USP35: variants seen among roughly 807,000 people sequenced by gnomAD.
USP35 encodes ubiquitin carboxyl-terminal hydrolase 35.
A neutral mutation model predicts 83.8 loss-of-function variants in USP35; 69 were observed. The ratio of observed to expected loss-of-function variants is 0.82; its 90% CI spans 0.68 to 1.01. USP35 has a LOEUF of 1.01. Among genes scored for constraint, USP35 ranks in the 50% least tolerant of loss-of-function variants. USP35 has a pLI of 0.00. For synonymous variants in USP35, 714 were observed against 589.5 expected (o/e 1.21, Z -3.06); for missense variants, 1,503 against 1,362.5 (o/e 1.10, Z -1.62).
chr11:78,195,164 C>A (rs967054019), intron 1 of USP35, among the ~76,000 whole-genome samples: 1 of 152,130 alleles, frequency 6.6e-6, no homozygotes, highest in Non-Finnish European at 1.5e-5. Flanking sequence ...GGGACCCATA[C>A]CCCACCAGCA....
the USP35 span, chr11:78,220,464 A>C: frequency 6.5e-7 from 1 of 1,545,796 alleles, no homozygotes; most frequent in South Asian, 1.2e-5. Flanking sequence ...GGAGGAAAAA[A>C]CTGTGAGTGA....
At position 78,213,779 on chromosome 11, in the gene USP35, G is replaced by A; in HGVS notation, c.3023G>A (p.Gly1008Asp). 1.3e-6 allele frequency: 2 copies of A among 1,550,010 alleles called. No individual in the cohort carries two copies. Among genetic ancestry groups the A allele is most frequent in the East Asian group, 2.5e-5 (1 of 39,416 alleles). Residue 1008 changes from glycine to aspartate, a missense_variant, in exon 11 of 11, where the codon GGC becomes GAC. Transcript: ENST00000529308. ...GSPGGCNPAGGNGGDFHRLVF is the reference protein window; with the variant it reads ...GSPGGCNPAGDNGGDFHRLVF ...CCAGGGGGCTGCAATCCTGCAGGTG[G>A]CAATGGTGGTGACTTCCACAGACTG...
chr11:78,207,064 T>G (rs1302559867), intron 7 of USP35, among the ~76,000 whole-genome samples: 1 of 152,142 alleles, frequency 6.6e-6, no homozygotes, highest in Non-Finnish European at 1.5e-5. Context: ...TAGGAGTCGA[T>G]TGGAGGGCCC....
In USP35 at chr11:78,214,872, G is replaced by A. The variant is rs1864037120; in HGVS notation, c.*1059G>A. Among the ~76,000 whole-genome samples, 1 of 138,718 alleles carries A rather than the reference G, an allele frequency of 7.2e-6. No homozygotes were observed. The highest frequency in any genetic ancestry group is 1.5e-5 in the Non-Finnish European group (1 of 66,028). The allele number at this position is 138,718 out of a possible 152,430, so 91.0% of individuals were successfully genotyped here. ...ACTGAAGTGGGGTGTAAGTAAACGT[G>A]TGGACTGACTGACTTACTTACCTTA... On this transcript the variant is annotated 3_prime_UTR_variant, in exon 11 of 11. Transcript: ENST00000529308.
At position 78,214,683 on chromosome 11, in the gene USP35, TAAATAAA is replaced by T. The variant is rs1864022847; in HGVS notation, c.*871_*877del. The T allele has an allele frequency of 6.6e-6, 1 of 152,084 alleles. No homozygotes were observed. The highest frequency in any genetic ancestry group is 1.5e-5 in the Non-Finnish European group (1 of 68,024). 9.4% of individuals were successfully genotyped at this position (152,084 alleles called of 1,614,324 possible). ...AAGACAAGACAGACACCCATGTTCATAAATAAATAAAAGTAAGCCTAAGCAAGAGATT... is the reference window on the plus strand; with the variant it reads ...AAGACAAGACAGACACCCATGTTCATTAAAAGTAAGCCTAAGCAAGAGATT... On this transcript the variant is annotated 3_prime_UTR_variant, in exon 11 of 11. Coordinates refer to ENST00000529308, the MANE Select transcript of USP35 (RefSeq NM_020798.4).
chr11:78,210,384 G>A lies in USP35; in HGVS notation c.2529G>A (p.Gln843=). ...TGCCACTGGCTGGTGGCCGTGGCCA[G>A]GCCTATGACCTCTGCAGTGTGGTGG... is the stretch of plus-strand genomic sequence containing the variant. The part of the protein sequence containing the change: ...LRLPLAGGRG[Q]AYDLCSVVVH... Residue 843 remains glutamine (Q), a synonymous_variant, in exon 10 of 11, where the codon CAG becomes CAA. Transcript: ENST00000529308. 6.2e-7 allele frequency: 1 copy of A among 1,613,744 alleles called. No homozygotes were observed. Among genetic ancestry groups the A allele is most frequent in the Non-Finnish European group, 8.5e-7 (1 of 1,180,010 alleles).
At position 78,196,633 on chromosome 11, in the gene USP35, C is replaced by A; in HGVS notation, c.388C>A (p.Arg130Ser). The change falls in exon 2 of 11, where the codon CGC (arginine) becomes AGC (serine). Residue 130 changes from arginine to serine, a missense_variant. Arg to Ser is a moderately radical substitution (Grantham distance 110, BLOSUM62 -1). Transcript: ENST00000529308. This position sits in a 1 kb window ranked among gnomAD's most constrained non-coding sequence, Gnocchi z 4.8. ...VFALLRREVL[R>S]TVCERPGPAA... ...CGCGCTGCTGCGGCGCGAGGTGCTG[C>A]GCACCGTGTGCGAGCGCCCGGGCCC... The A allele has an allele frequency of 1.5e-6, 2 of 1,361,952 alleles. No individual in the cohort carries two copies. Among genetic ancestry groups the A allele is most frequent in the South Asian group, 1.6e-5 (1 of 60,936 alleles). 84.4% of individuals were successfully genotyped at this position (1,361,952 alleles called of 1,614,324 possible). A position where few individuals can be genotyped will look rare whatever the true frequency, so the allele number is the denominator to read the frequency against.
In USP35 at chr11:78,199,731, G is replaced by A. The variant is rs188431791; in HGVS notation, c.936+7G>A. The A allele has an allele frequency of 8.7e-6, 14 of 1,614,162 alleles. 1 individual carries two copies. The Admixed American group carries it at 2.3e-4, about 27-fold the overall frequency. On this transcript the variant is annotated splice_region_variant and intron_variant, in intron 4 of 10. Transcript: ENST00000529308. Reference sequence around the variant, plus strand: ...GCTCACCAAAATTGAGAAGGTTGGTGCCCCTGTCCTAGCCCAGAGTTACAG... The same window carrying A: ...GCTCACCAAAATTGAGAAGGTTGGTACCCCTGTCCTAGCCCAGAGTTACAG...
chr11:78,207,660 AGCTCTGGTCAGGCCCC>A, intron 8 of USP35, 37 bp downstream of exon 8: 5 of 1,596,620 alleles, frequency 3.1e-6, no homozygotes, highest in Non-Finnish European at 3.4e-6. Flanking sequence ...GTGGAGAGGC[AGCTCTGGTCAGGCCCC>A]GACATGGACA....
chr11:78,191,840 T>C (rs925005270), intron 1 of USP35, among the ~76,000 whole-genome samples: 6 of 148,368 alleles, frequency 4.0e-5, no homozygotes, highest in Non-Finnish European at 9.0e-5. Flanking sequence ...CCGGCCCTCA[T>C]CTTTTTTTTT....
chr11:78,200,551 C>T (rs543030785), intron 5 of USP35, 99 bp from the exon 6 acceptor site: 3 of 1,500,428 alleles, frequency 2.0e-6, no homozygotes, highest in South Asian at 2.7e-5. Context: ...GGCAAGCCTC[C>T]CTACCTCAGA....
At chr11:78,234,788 GTTGT>G in the USP35 span, among the ~76,000 whole-genome samples, 12 of 151,890 alleles carry the variant, frequency 7.9e-5, 1 homozygote, top group Middle Eastern at 3.2e-3. Context: ...TGACTTTATT[GTTGT>G]TCTTTTAAAA....
rs2450137 is a variant in USP35 at position 78,214,187 on chromosome 11, C to A, written c.*374C>A. 9 of 170,134 alleles carry A rather than the reference C, an allele frequency of 5.3e-5. No individual in the cohort carries two copies. Among genetic ancestry groups the A allele is most frequent in the Non-Finnish European group, 7.3e-5 (6 of 81,636 alleles). 10.5% of individuals were successfully genotyped at this position (170,134 alleles called of 1,614,324 possible). ...TTGACATCAAGTACTATTTTCCTTC[C>A]GACTGCTGTACGGTATAAAGCACAG... On this transcript the variant is annotated 3_prime_UTR_variant, in exon 11 of 11. Transcript: ENST00000529308.
In USP35 at chr11:78,214,125, A is replaced by G. The variant is rs1184135702; in HGVS notation, c.*312A>G. On this transcript the variant is annotated 3_prime_UTR_variant, in exon 11 of 11. Coordinates refer to ENST00000529308, the MANE Select transcript of USP35 (RefSeq NM_020798.4). ...GCTCCCCATGCGGGAAGATCTGATG[A>G]TGTTCAGGAAACAGGCTAGACCTCA... The G allele has an allele frequency of 3.5e-6, 1 of 285,148 alleles. No homozygotes were observed. The highest frequency in any genetic ancestry group is 2.2e-5 in the African/African-American group (1 of 44,756). 17.7% of individuals were successfully genotyped at this position (285,148 alleles called of 1,614,324 possible).
At chr11:78,219,691 T>TG (rs1864322773), downstream of USP35, among the ~76,000 whole-genome samples, 2 of 152,158 alleles carry the variant, frequency 1.3e-5, no homozygotes, top group Admixed American at 1.3e-4. Flanking sequence ...TCCTTGGCCC[T>TG]GGTGGATGGG....
the USP35 span, among the ~76,000 whole-genome samples, chr11:78,230,481 C>T: frequency 6.6e-6 from 1 of 152,268 alleles, no homozygotes; most frequent in Non-Finnish European, 1.5e-5. Flanking sequence ...TTATGGTAAT[C>T]ATTCCTTCCT....
chr11:78,213,607 G>GA (rs906449120), intron 10 of USP35, 39 bp from the exon 11 acceptor site: 1 of 1,438,796 alleles, frequency 7.0e-7, no homozygotes. Context: ...TTCAGGGTGT[G>GA]AATTCTAAGT....
In USP35 at chr11:78,208,875, G is replaced by C. The variant is rs770069183; in HGVS notation, c.1504G>C (p.Glu502Gln). The C allele has an allele frequency of 7.4e-6, 12 of 1,614,104 alleles. No individual in the cohort carries two copies. The African/African-American group carries it at 1.5e-4, about 20-fold the overall frequency. The change falls in exon 9 of 11, where the codon GAG becomes CAG. Residue 502 changes from glutamate to glutamine, a missense_variant. By Grantham distance (29) the Glu-to-Gln change is conservative (BLOSUM62 2). Coordinates refer to ENST00000529308, the MANE Select transcript of USP35 (RefSeq NM_020798.4). ...GTCCTAGCGGCCTGCCATTTCCCCA[G>C]AGAACTTCCTCTCCGCATCCTGGAC... Reference protein sequence around the residue: ...EHSQRPAISPENFLSASWTPW... With the variant: ...EHSQRPAISPQNFLSASWTPW...
chr11:78,192,235 C>G (rs1237912996), intron 1 of USP35, among the ~76,000 whole-genome samples: 1 of 152,230 alleles, frequency 6.6e-6, no homozygotes, highest in East Asian at 1.9e-4. Context: ...GAGGACATGG[C>G]TGCTGTTTGC....
Sources: allele counts gnomAD v4.1 joint callset (sites outside exome capture counted in the v4.1 genomes callset), GRCh38; gene constraint gnomAD v4.1.1; non-coding constraint Gnocchi (gnomAD v3.1); transcripts MANE v1.5; gene names NCBI Gene and HGNC (gene_info 2026-07-23, HGNC 2026-07-21).